The following BAG4 variants were observed in gnomAD, a reference collection of about 807,000 sequenced individuals.
BAG4 encodes BAG family molecular chaperone regulator 4.
A neutral mutation model predicts 52.1 loss-of-function variants in BAG4; 28 were observed. That is an observed-to-expected ratio of 0.54 (90% CI 0.40 to 0.74). BAG4 has a LOEUF of 0.74. Ranked by LOEUF, BAG4 falls within the 30% of genes least tolerant of loss-of-function variation. The pLI is 0.00. For synonymous variants in BAG4, 208 were observed against 217.0 expected (o/e 0.96, Z 0.37); for missense variants, 525 against 572.0 (o/e 0.92, Z 0.84).
chr8:38,198,101 G>C (rs1399426845), intron 2 of BAG4, among the ~76,000 whole-genome samples: 1 of 151,792 alleles, frequency 6.6e-6, no homozygotes, highest in Non-Finnish European at 1.5e-5. Flanking sequence ...ATGTTTCCTT[G>C]GGGCCGGGCG....
intron 1 of BAG4, among the ~76,000 whole-genome samples, chr8:38,181,878 G>A (rs1269359089): frequency 7.6e-5 from 7 of 91,538 alleles, no homozygotes; most frequent in African/African-American, 3.0e-4. Context: ...TGCCTAGCGA[G>A]ACTATCTCAA....
Position 38,194,387 on chromosome 8 carries a change from A to G in BAG4, c.378+1592A>G, listed in dbSNP as rs554449133. Among the ~76,000 whole-genome samples the G allele has an allele frequency of 1.8e-4, 26 of 143,332 alleles. No homozygotes were observed. In the South Asian group the frequency reaches 5.7e-3, roughly 32 times the overall value. The allele number at this position is 143,332 out of a possible 152,430, so 94.0% of individuals were successfully genotyped here. ...AGATAAGAATTTCCTTAGGGTCTGGAATTTTTGGGTTTAGGTGTGTACTTT... is the reference window on the plus strand; with the variant it reads ...AGATAAGAATTTCCTTAGGGTCTGGGATTTTTGGGTTTAGGTGTGTACTTT... On this transcript the variant is annotated intron_variant, in intron 2 of 4. Coordinates refer to ENST00000287322, the MANE Select transcript of BAG4 (RefSeq NM_004874.4).
chr8:38,184,207 T>G (rs1803323593), intron 1 of BAG4, among the ~76,000 whole-genome samples: 1 of 151,574 alleles, frequency 6.6e-6, no homozygotes, highest in Admixed American at 6.6e-5. Context: ...TGGCTCACGC[T>G]TGTAATCCTA....
chr8:38,210,268 C>T lies in BAG4; in HGVS notation c.1149C>T (p.Ile383=), dbSNP rs1298886543. The T allele has an allele frequency of 6.2e-7, 1 of 1,613,988 alleles. No individual in the cohort carries two copies. Among genetic ancestry groups the T allele is most frequent in the African/African-American group, 1.3e-5 (1 of 74,900 alleles). Residue 383 remains isoleucine, a synonymous_variant, in exon 5 of 5, where the codon ATC becomes ATT. Transcript: ENST00000287322. ...GTACTCCTCCGAGTATTAAAAAAAT[C>T]ATACATGTGCTGGAGAAGGTCCAGT... ...DESTPPSIKK[I]IHVLEKVQYL...
At chr8:38,190,779 C>T (rs1392197795) in intron 1 of BAG4, among the ~76,000 whole-genome samples, 6 of 125,796 alleles carry the variant, frequency 4.8e-5, no homozygotes, top group African/African-American at 1.5e-4. Context: ...TTTTTTGAGA[C>T]GGAGTCTCTG....
At chr8:38,181,838 C>G (rs1585650500) in intron 1 of BAG4, among the ~76,000 whole-genome samples, 2 of 134,254 alleles carry the variant, frequency 1.5e-5, no homozygotes, top group African/African-American at 5.8e-5. Flanking sequence ...TCGCAGTGAC[C>G]GAGATCATGC....
chr8:38,180,777 C>T (rs1803250720), intron 1 of BAG4, among the ~76,000 whole-genome samples: 1 of 152,014 alleles, frequency 6.6e-6, no homozygotes, highest in African/African-American at 2.4e-5. Context: ...AGACTTACTG[C>T]TGCAATTTAT....
At chr8:38,203,059 C>T (rs1212541650) in intron 2 of BAG4, 1 of 152,128 alleles carries the variant, frequency 6.6e-6, no homozygotes, top group Non-Finnish European at 1.5e-5. Context: ...CAGAGAATTA[C>T]AATTTCAGAT....
chr8:38,190,806 G>C (rs1803461175), intron 1 of BAG4, among the ~76,000 whole-genome samples: 1 of 149,166 alleles, frequency 6.7e-6, no homozygotes, highest in African/African-American at 2.5e-5. Context: ...GGCCCAGGCT[G>C]GAGTGCAGTG....
intron 2 of BAG4, among the ~76,000 whole-genome samples, chr8:38,207,055 C>T (rs1309553453): frequency 4.6e-5 from 7 of 150,594 alleles, no homozygotes; most frequent in Non-Finnish European, 7.4e-5. Context: ...TGGGTTCAAG[C>T]GATTCTCCTG....
chr8:38,191,083 T>A (rs1029609948), intron 1 of BAG4, among the ~76,000 whole-genome samples: 12 of 152,154 alleles, frequency 7.9e-5, no homozygotes, highest in African/African-American at 2.9e-4. Flanking sequence ...TTAAAGAAGA[T>A]AAAATACAGT....
Position 38,210,290 on chromosome 8 carries a change from C to G in BAG4, c.1171C>G (p.Gln391Glu). 6.2e-7 allele frequency: 1 copy of G among 1,614,032 alleles called. No individual in the cohort carries two copies. Among genetic ancestry groups the G allele is most frequent in the Non-Finnish European group, 8.5e-7 (1 of 1,180,010 alleles). ...AATCATACATGTGCTGGAGAAGGTCCAGTATCTTGAACAAGAAGTAGAAGA... is the reference window on the plus strand; with the variant it reads ...AATCATACATGTGCTGGAGAAGGTCGAGTATCTTGAACAAGAAGTAGAAGA... ...KKIIHVLEKV[Q>E]YLEQEVEEFV... The change falls in exon 5 of 5, where the codon CAG becomes GAG. Residue 391 changes from glutamine (Q) to glutamate (E), a missense_variant. Coordinates refer to ENST00000287322, the MANE Select transcript of BAG4 (RefSeq NM_004874.4).
At chr8:38,188,954 C>T (rs552608127) in intron 1 of BAG4, among the ~76,000 whole-genome samples, 5 of 142,982 alleles carry the variant, frequency 3.5e-5, no homozygotes, top group South Asian at 2.2e-4. Context: ...CCACCATGCC[C>T]GGCTAATTTT....
intron 1 of BAG4, among the ~76,000 whole-genome samples, chr8:38,183,011 A>C (rs1452862637): frequency 1.4e-5 from 2 of 146,386 alleles, no homozygotes; most frequent in South Asian, 2.1e-4. Flanking sequence ...CCACCACCAC[A>C]ACTGAGCTAT....
intron 1 of BAG4, among the ~76,000 whole-genome samples, chr8:38,185,692 G>C (rs1308992385): frequency 6.6e-6 from 1 of 152,134 alleles, no homozygotes; most frequent in Non-Finnish European, 1.5e-5. Context: ...AGCCTCCTGA[G>C]TGGCTGGGGT....
In BAG4 at chr8:38,209,978, C is replaced by A. The variant is rs769283200; in HGVS notation, c.889-30C>A. On this transcript the variant is annotated intron_variant, in intron 4 of 4. Coordinates refer to ENST00000287322, the MANE Select transcript of BAG4 (RefSeq NM_004874.4). The stretch of plus-strand genomic sequence containing the variant: ...TTGATGCATTCCCATTAAAACAGCT[C>A]TTTTCCTCTTTTTGCTCTCCCACTC... 1.4e-5 allele frequency: 22 copies of A among 1,600,458 alleles called. 1 individual carries two copies. In the Admixed American group the frequency reaches 1.9e-4, roughly 14 times the overall value.
chr8:38,189,399 T>G (rs570421390), intron 1 of BAG4, among the ~76,000 whole-genome samples: 44 of 152,348 alleles, frequency 2.9e-4, no homozygotes, highest in African/African-American at 9.9e-4. Flanking sequence ...GGACGTACAG[T>G]CAAAATAACG....
chr8:38,184,474 A>G (rs1803329250), intron 1 of BAG4, among the ~76,000 whole-genome samples: 1 of 150,768 alleles, frequency 6.6e-6, no homozygotes, highest in South Asian at 2.1e-4. Context: ...CTCAAATAAA[A>G]TAAAATAAAA....
At chr8:38,203,281 AT>A (rs751296737) in intron 2 of BAG4, among the ~76,000 whole-genome samples, 1 of 123,504 alleles carries the variant, frequency 8.1e-6, no homozygotes, top group African/African-American at 3.0e-5. Flanking sequence ...GTCTTGAGGA[AT>A]TTTTTTTTTT....
Sources: allele counts gnomAD v4.1 joint callset (sites outside exome capture counted in the v4.1 genomes callset), GRCh38; gene constraint gnomAD v4.1.1; transcripts MANE v1.5; gene names NCBI Gene and HGNC (gene_info 2026-07-23, HGNC 2026-07-21).